Variants in GRIP1 observed in about 807,000 individuals in gnomAD.
GRIP1 encodes glutamate receptor interacting protein 1, also known as glutamate receptor-interacting protein 1.
In GRIP1, 45 loss-of-function variants were observed where a neutral mutation model predicts 129.9. The observed-to-expected ratio is 0.35, with a 90% confidence interval of 0.27 to 0.44. The LOEUF is 0.44. Among genes scored for constraint, GRIP1 ranks in the 20% least tolerant of loss-of-function variants. The pLI, the probability that GRIP1 is intolerant of heterozygous loss-of-function variation, is 1.00. For synonymous variants in GRIP1, 530 were observed against 520.8 expected (o/e 1.02, Z -0.24); for missense variants, 1,196 against 1,396.8 (o/e 0.86, Z 2.29).
chr12:66,377,064 G>A lies in GRIP1; in HGVS notation c.2734-3C>T. 6.2e-7 allele frequency: 1 copy of A among 1,610,472 alleles called. No individual in the cohort carries two copies. The highest frequency in any genetic ancestry group is 2.2e-5 in the East Asian group (1 of 44,870). On this transcript the variant is annotated splice_region_variant and splice_polypyrimidine_tract_variant and intron_variant, in intron 21 of 24. Coordinates refer to ENST00000359742, the MANE Select transcript of GRIP1 (RefSeq NM_001366722.1). ...GACACACGCCTGTCAGCTTTCTCCTGTGGAAAGGGTTAAAGCTTTTAAATG... is the reference window on the plus strand; with the variant it reads ...GACACACGCCTGTCAGCTTTCTCCTATGGAAAGGGTTAAAGCTTTTAAATG...
intron 1 of GRIP1, among the ~76,000 whole-genome samples, chr12:66,905,248 G>T (rs971347053): frequency 2.0e-5 from 3 of 152,186 alleles, no homozygotes; most frequent in East Asian, 3.8e-4. Flanking sequence ...CATGAATGTG[G>T]CAAGTTGCCT....
chr12:66,586,248 T>C (rs1247750618), intron 2 of GRIP1, among the ~76,000 whole-genome samples: 3 of 152,220 alleles, frequency 2.0e-5, no homozygotes, highest in Non-Finnish European at 4.4e-5. Context: ...TCTCTTCTTA[T>C]AGAATCTTAT....
chr12:66,822,192 G>A (rs1036555660), intron 1 of GRIP1, among the ~76,000 whole-genome samples: 15 of 152,344 alleles, frequency 9.8e-5, no homozygotes, highest in Non-Finnish European at 2.2e-4. Flanking sequence ...AGAATCCCTG[G>A]TAGAAGGTGG....
At chr12:66,709,483 G>T (rs1391206609) in intron 1 of GRIP1, among the ~76,000 whole-genome samples, 1 of 151,940 alleles carries the variant, frequency 6.6e-6, no homozygotes, top group African/African-American at 2.4e-5. Flanking sequence ...GCAAGAGGTT[G>T]TGAAGTCTGT....
rs528790683 is a variant in GRIP1 at position 67,044,554 on chromosome 12, C to A, written c.58+24496G>T. ...ATAAAGCTACTGTGAAAATCTAGTA[C>A]AACTGTTGTCATAATCATAATTACT... On this transcript the variant is annotated intron_variant, in intron 1 of 1. Coordinates refer to the GRIP1 transcript ENST00000643019. Among the ~76,000 whole-genome samples the A allele has an allele frequency of 3.7e-4, 56 of 152,288 alleles. 2 individuals are homozygous for A. The South Asian group carries it at 0.011, about 29-fold the overall frequency.
chr12:66,450,138 AAAAT>A (rs1383094190), intron 11 of GRIP1, among the ~76,000 whole-genome samples: 1 of 151,496 alleles, frequency 6.6e-6, no homozygotes, highest in East Asian at 1.9e-4. Flanking sequence ...ATCTCTACTA[AAAAT>A]ACAAAAACAA....
intron 1 of GRIP1, among the ~76,000 whole-genome samples, chr12:66,646,323 A>G (rs2032360478): frequency 6.6e-6 from 1 of 152,184 alleles, no homozygotes; most frequent in South Asian, 2.1e-4. Context: ...ACTGTGTTTC[A>G]GAAATATATT....
chr12:66,538,600 G>A (rs2061677071), intron 4 of GRIP1, among the ~76,000 whole-genome samples: 1 of 151,996 alleles, frequency 6.6e-6, no homozygotes, highest in Non-Finnish European at 1.5e-5. Context: ...TTTTATTAAT[G>A]TTGTGTGTGT....
At chr12:66,486,785 G>A (rs1317377893) in intron 7 of GRIP1, among the ~76,000 whole-genome samples, 3 of 67,260 alleles carry the variant, frequency 4.5e-5, no homozygotes, top group Non-Finnish European at 8.0e-5. Flanking sequence ...AGAAAAAGCA[G>A]GTCTCAATTT....
Position 66,561,543 on chromosome 12 carries a change from T to C in GRIP1, c.137-19593A>G, listed in dbSNP as rs965940207. Among the ~76,000 whole-genome samples, 45 of 152,098 alleles carry C rather than the reference T, an allele frequency of 3.0e-4. 1 individual carries two copies. Among genetic ancestry groups the C allele is most frequent in the Admixed American group, 2.6e-3 (40 of 15,254 alleles). The stretch of plus-strand genomic sequence containing the variant: ...AAAATTATAACAATATGGTTAGTTA[T>C]GATTATTTAGAAAAACAAAGGGTTA... On this transcript the variant is annotated intron_variant, in intron 2 of 24. Coordinates refer to ENST00000359742, the MANE Select transcript of GRIP1 (RefSeq NM_001366722.1).
intron 1 of GRIP1, among the ~76,000 whole-genome samples, chr12:66,756,716 A>G (rs2037301706): frequency 6.6e-6 from 1 of 152,152 alleles, no homozygotes; most frequent in African/African-American, 2.4e-5. Context: ...CCTGCCTGCA[A>G]TGAGGTAAAT....
At chr12:66,707,561 C>T (rs1019802384) in intron 1 of GRIP1, among the ~76,000 whole-genome samples, 11 of 148,064 alleles carry the variant, frequency 7.4e-5, no homozygotes, top group South Asian at 4.3e-4. Flanking sequence ...TATTTAGAGA[C>T]GCTTAATGTC....
At chr12:66,532,795 C>G (rs1399155187) in intron 4 of GRIP1, among the ~76,000 whole-genome samples, 1 of 152,134 alleles carries the variant, frequency 6.6e-6, no homozygotes, top group African/African-American at 2.4e-5. Context: ...CCACCACCAC[C>G]ACCATCATCT....
intron 1 of GRIP1, among the ~76,000 whole-genome samples, chr12:66,903,241 G>A (rs2040872190): frequency 6.6e-6 from 1 of 151,226 alleles, no homozygotes; most frequent in African/African-American, 2.4e-5. Context: ...GACAATTCTA[G>A]TTGTTTTAAT....
chr12:66,924,583 G>A (rs1178030411), intron 1 of GRIP1, among the ~76,000 whole-genome samples: 2 of 152,180 alleles, frequency 1.3e-5, no homozygotes, highest in Non-Finnish European at 1.5e-5. Flanking sequence ...CTGATTTTAA[G>A]AGTTATCTTG....
intron 1 of GRIP1, among the ~76,000 whole-genome samples, chr12:66,915,719 G>A (rs2137333523): frequency 6.6e-6 from 1 of 152,344 alleles, no homozygotes; most frequent in South Asian, 2.1e-4. Context: ...GAACTTGTGA[G>A]GCCTCAAGCC....
intron 1 of GRIP1, among the ~76,000 whole-genome samples, chr12:66,723,110 AT>A (rs1246063157): frequency 3.3e-5 from 5 of 149,904 alleles, no homozygotes; most frequent in Non-Finnish European, 7.4e-5. Context: ...TTCACCAAAT[AT>A]TTTTTGGAAA....
At chr12:66,537,370 A>G (rs2061636622) in intron 4 of GRIP1, among the ~76,000 whole-genome samples, 1 of 152,150 alleles carries the variant, frequency 6.6e-6, no homozygotes, top group South Asian at 2.1e-4. Flanking sequence ...TGTGGAAAGG[A>G]TTAAATAATT....
In GRIP1 at chr12:66,678,830, T is replaced by A. The variant is rs972968405; in HGVS notation, c.55+20A>T. The A allele has an allele frequency of 6.2e-7, 1 of 1,610,080 alleles. No individual in the cohort carries two copies. The highest frequency in any genetic ancestry group is 1.3e-5 in the African/African-American group (1 of 74,808). ...TACTGCAACAGACTCGCTGAGGGAA[T>A]AACAAGGAAAGCACGATACCTTTAG... On this transcript the variant is annotated intron_variant, in intron 1 of 24. Coordinates refer to ENST00000359742, the MANE Select transcript of GRIP1 (RefSeq NM_001366722.1).
Sources: allele counts gnomAD v4.1 joint callset (sites outside exome capture counted in the v4.1 genomes callset), GRCh38; gene constraint gnomAD v4.1.1; transcripts MANE v1.5; gene names NCBI Gene and HGNC (gene_info 2026-07-23, HGNC 2026-07-21).